Variants in NXPH1 observed in about 807,000 individuals in gnomAD.
NXPH1 encodes neurexophilin 1.
NXPH1 carries 5 observed loss-of-function variants against 23.7 expected under a neutral mutation model. That is an observed-to-expected ratio of 0.21 (90% CI 0.11 to 0.44). The LOEUF (loss-of-function observed/expected upper bound fraction) is 0.44, where lower values mean the gene tolerates loss of function less well. NXPH1 is among the 20% of genes least tolerant of loss of function. NXPH1 has a pLI of 0.99. For synonymous variants in NXPH1, 144 were observed against 122.2 expected (o/e 1.18, Z -1.18); for missense variants, 324 against 321.6 (o/e 1.01, Z -0.06).
intron 2 of NXPH1, among the ~76,000 whole-genome samples, chr7:8,495,759 GT>G (rs1817323017): frequency 2.0e-5 from 3 of 152,032 alleles, no homozygotes; most frequent in Admixed American, 2.0e-4. Context: ...TCTGAAATAT[GT>G]TCCTTGCATG....
intron 2 of NXPH1, among the ~76,000 whole-genome samples, chr7:8,689,177 A>G (rs1821190825): frequency 6.6e-6 from 1 of 152,208 alleles, no homozygotes; most frequent in Non-Finnish European, 1.5e-5. Flanking sequence ...CATAGTTTTC[A>G]GAGTCAAGGG....
chr7:8,461,597 G>A (rs981390517), intron 2 of NXPH1, among the ~76,000 whole-genome samples: 4 of 151,674 alleles, frequency 2.6e-5, no homozygotes, highest in African/African-American at 9.7e-5. Flanking sequence ...TTGGGAGGCC[G>A]AGGCGGGTGG....
Position 8,751,488 on chromosome 7 carries a change from G to C in NXPH1, c.535G>C (p.Ala179Pro), listed in dbSNP as rs145299363. 1 of 1,613,702 alleles carries C rather than the reference G, an allele frequency of 6.2e-7. No individual in the cohort carries two copies. The highest frequency in any genetic ancestry group is 8.5e-7 in the Non-Finnish European group (1 of 1,179,836). ...PPTKIVEFDL[A>P]QQTVIDAKDS... ...TACAAAAATCGTGGAATTTGACTTG[G>C]CACAACAAACCGTGATTGATGCCAA... is the stretch of plus-strand genomic sequence containing the variant. Residue 179 changes from alanine (A) to proline (P), a missense_variant, in exon 3 of 3, where the codon GCA becomes CCA. Transcript: ENST00000405863. The surrounding 1 kb of genome is among the most constrained non-coding windows in gnomAD (Gnocchi z 4.5).
intron 2 of NXPH1, among the ~76,000 whole-genome samples, chr7:8,649,317 C>T (rs1406293508): frequency 4.0e-5 from 3 of 74,280 alleles, no homozygotes; most frequent in Non-Finnish European, 6.2e-5. Flanking sequence ...AAACGTATTT[C>T]TTTCCTTTTT....
At chr7:8,710,646 TG>T (rs1409343998) in intron 2 of NXPH1, among the ~76,000 whole-genome samples, 9,556 of 15,904 alleles carry the variant, frequency 0.6, 2,976 homozygotes, top group East Asian at 0.69. Flanking sequence ...TTACGTTTTT[TG>T]TTTTTTTTTT....
chr7:8,608,329 ATTT>A (rs34703338), intron 2 of NXPH1, among the ~76,000 whole-genome samples: 1 of 143,728 alleles, frequency 7.0e-6, no homozygotes, highest in African/African-American at 2.6e-5. Flanking sequence ...AAATTCAGTG[ATTT>A]TTTTTTTTTT....
Position 8,538,540 on chromosome 7 carries a change from G to A in NXPH1, c.54+102773G>A, listed in dbSNP as rs550040342. Among the ~76,000 whole-genome samples, 4 of 152,002 alleles carry A rather than the reference G, an allele frequency of 2.6e-5. No individual in the cohort carries two copies. The South Asian group carries it at 8.3e-4, about 32-fold the overall frequency. Reference sequence around the variant, plus strand: ...TAATGGGTACCAACCTCAAAGAGATGTAGTAAGGATAAAAGACATTATGTC... The same window carrying A: ...TAATGGGTACCAACCTCAAAGAGATATAGTAAGGATAAAAGACATTATGTC... On this transcript the variant is annotated intron_variant, in intron 2 of 2. Transcript: ENST00000405863.
rs1819047683 is a variant in NXPH1, at chr7:8,589,517, A to T, written c.54+153750A>T. Among the ~76,000 whole-genome samples the T allele has an allele frequency of 2.0e-5, 3 of 152,078 alleles. No homozygotes were observed. The South Asian group carries it at 6.2e-4, about 32-fold the overall frequency. The stretch of plus-strand genomic sequence containing the variant: ...AAGAGTGGTTTCTGAGGGAGTATGT[A>T]CCAGAGAGGGTATTATACCTAGCAA... On this transcript the variant is annotated intron_variant, in intron 2 of 2. Transcript: ENST00000405863.
chr7:8,622,265 C>T (rs535679547), intron 2 of NXPH1, among the ~76,000 whole-genome samples: 1 of 152,090 alleles, frequency 6.6e-6, no homozygotes, highest in Non-Finnish European at 1.5e-5. Context: ...CATTTTTCCC[C>T]AACAGATTGT....
In NXPH1 at chr7:8,573,007, G is replaced by A. The variant is rs369923142; in HGVS notation, c.54+137240G>A. Among the ~76,000 whole-genome samples, 14 of 151,706 alleles carry A rather than the reference G, an allele frequency of 9.2e-5. No individual in the cohort carries two copies. In the East Asian group the frequency reaches 1.9e-3, roughly 21 times the overall value. ...TTGTAGAGGGGAGTTTAAAAAAGCA[G>A]CAGAAAACAATTACCCTGAATCTCA... On this transcript the variant is annotated intron_variant, in intron 2 of 2. Coordinates refer to ENST00000405863, the MANE Select transcript of NXPH1 (RefSeq NM_152745.3).
intron 2 of NXPH1, among the ~76,000 whole-genome samples, chr7:8,687,742 T>C (rs968316154): frequency 2.6e-5 from 4 of 152,180 alleles, no homozygotes; most frequent in Non-Finnish European, 4.4e-5. Context: ...CATCACCTCA[T>C]TGAGTGCTGG....
chr7:8,717,143 A>C (rs1779891138), intron 2 of NXPH1, among the ~76,000 whole-genome samples: 1 of 152,128 alleles, frequency 6.6e-6, no homozygotes, highest in African/African-American at 2.4e-5. Flanking sequence ...TTCTTCCCTT[A>C]GTAGGTTTGC....
chr7:8,587,628 C>T (rs939454802), intron 2 of NXPH1, among the ~76,000 whole-genome samples: 1 of 152,114 alleles, frequency 6.6e-6, no homozygotes, highest in African/African-American at 2.4e-5. Flanking sequence ...AATGATATCC[C>T]TCCCCTAGCC....
chr7:8,454,909 T>C (rs999995315), intron 2 of NXPH1, among the ~76,000 whole-genome samples: 4 of 152,170 alleles, frequency 2.6e-5, no homozygotes, highest in Non-Finnish European at 5.9e-5. Flanking sequence ...TCATAGTAAG[T>C]TGTATTTCAG....
At chr7:8,482,499 A>G (rs923824358) in intron 2 of NXPH1, among the ~76,000 whole-genome samples, 1 of 152,164 alleles carries the variant, frequency 6.6e-6, no homozygotes, top group African/African-American at 2.4e-5. Flanking sequence ...TTGTGGCTCA[A>G]AGTGAAAGCT....
chr7:8,517,550 G>A (rs914173559), intron 2 of NXPH1, among the ~76,000 whole-genome samples: 1 of 152,098 alleles, frequency 6.6e-6, no homozygotes, highest in Non-Finnish European at 1.5e-5. Context: ...TGGTTATGTT[G>A]CTTAAGATCT....
At chr7:8,567,318 G>A (rs989605577) in intron 2 of NXPH1, among the ~76,000 whole-genome samples, 1 of 151,896 alleles carries the variant, frequency 6.6e-6, no homozygotes, top group African/African-American at 2.4e-5. Flanking sequence ...TTTGGTTCAT[G>A]TTTGCGCCTC....
chr7:8,440,181 G>T (rs901839877), intron 2 of NXPH1, among the ~76,000 whole-genome samples: 1 of 152,188 alleles, frequency 6.6e-6, no homozygotes, highest in Non-Finnish European at 1.5e-5. Flanking sequence ...ATGTATTCCT[G>T]AGCTCTGGGG....
At chr7:8,669,831 C>A (rs1387310569) in intron 2 of NXPH1, among the ~76,000 whole-genome samples, 1 of 152,134 alleles carries the variant, frequency 6.6e-6, no homozygotes, top group Non-Finnish European at 1.5e-5. Flanking sequence ...TGAATCTTTT[C>A]TTATTTTTGT....
Sources: allele counts gnomAD v4.1 joint callset (sites outside exome capture counted in the v4.1 genomes callset), GRCh38; gene constraint gnomAD v4.1.1; non-coding constraint Gnocchi (gnomAD v3.1); transcripts MANE v1.5; gene names NCBI Gene and HGNC (gene_info 2026-07-23, HGNC 2026-07-21).